NTN5: variants seen among roughly 807,000 people sequenced by gnomAD.
NTN5 encodes the protein netrin-5.
A neutral mutation model predicts 38.7 loss-of-function variants in NTN5; 42 were observed. That is an observed-to-expected ratio of 1.08 (90% confidence interval 0.85 to 1.40). The LOEUF (loss-of-function observed/expected upper bound fraction) is 1.40, where lower values mean the gene tolerates loss of function less well. NTN5 is among the 40% of genes most tolerant of loss of function. The pLI is 0.00. For synonymous variants in NTN5, 329 were observed against 303.9 expected, an observed-to-expected ratio of 1.08 and a Z score of -0.86; for missense variants, 658 against 716.5, an observed-to-expected ratio of 0.92 and a Z score of 0.93.
chr19:48,664,739 G>A lies in NTN5; in HGVS notation c.660C>T (p.Arg220=). 1.3e-6 allele frequency: 2 copies of A among 1,578,842 alleles called. No homozygotes were observed. The highest frequency in any genetic ancestry group is 1.7e-6 in the Non-Finnish European group (2 of 1,163,252). ...LPCSCNQHAR[R]CRFNSELFRL... ...TGAACAGCTCAGAGTTGAACCGGCA[G>A]CGTCGGGCGTGCTGGTTGCAGGAGC... is the stretch of plus-strand genomic sequence containing the variant. The change falls in exon 3 of 7, where the codon CGC becomes CGT. Residue 220 remains arginine, a synonymous_variant. Transcript: ENST00000270235.
chr19:48,667,213 C>G (rs2031728210), intron 2 of NTN5: 2 of 166,362 alleles, frequency 1.2e-5, no homozygotes, highest in South Asian at 2.1e-4. Flanking sequence ...CCTCACTTCC[C>G]CTGTGGAGAA....
chr19:48,665,882 G>A (rs1026823941), intron 2 of NTN5, among the ~76,000 whole-genome samples: 7 of 151,880 alleles, frequency 4.6e-5, no homozygotes, highest in South Asian at 4.1e-4. Flanking sequence ...TAGCCTTGTC[G>A]GTCTCTCTGA....
chr19:48,671,678 G>A (rs2031965741), intron 1 of NTN5, among the ~76,000 whole-genome samples: 2 of 152,126 alleles, frequency 1.3e-5, no homozygotes, highest in South Asian at 4.1e-4. Flanking sequence ...TGTCTGGCGG[G>A]GGATCAGAAG....
chr19:48,663,796 G>A lies in NTN5; in HGVS notation c.989C>T (p.Thr330Ile), dbSNP rs1253202217. The A allele has an allele frequency of 6.2e-7, 1 of 1,613,968 alleles. No homozygotes were observed. The highest frequency in any genetic ancestry group is 8.5e-7 in the Non-Finnish European group (1 of 1,179,942). Reference sequence around the variant, plus strand: ...AGCACCAGGAGTAGTGGCAAGGGTGGTTGTTGCCTCTGGAATTCCTGTGAG... The same window carrying A: ...AGCACCAGGAGTAGTGGCAAGGGTGATTGTTGCCTCTGGAATTCCTGTGAG... ...MPCQRIPEAT[T>I]TLATTPGAYS... is the part of the protein sequence containing the mutation. The change falls in exon 5 of 7, where the codon ACC becomes ATC. Residue 330 changes from threonine to isoleucine, a missense_variant. Transcript: ENST00000270235.
Position 48,661,514 on chromosome 19 carries a change from G to T in NTN5, c.*163C>A. On this transcript the variant is annotated 3_prime_UTR_variant, in exon 7 of 7. Transcript: ENST00000270235. The stretch of plus-strand genomic sequence containing the variant: ...CCAGAAGTCCCGCTTGCCGCCTTTT[G>T]CTAAAAGTTCCGCACGCCTGCTCGG... 2.3e-6 allele frequency: 2 copies of T among 857,228 alleles called. No individual in the cohort carries two copies. The highest frequency in any genetic ancestry group is 3.2e-6 in the Non-Finnish European group (2 of 631,576). 53.1% of individuals were successfully genotyped at this position (857,228 alleles called of 1,614,324 possible). A position where few individuals can be genotyped will look rare whatever the true frequency, so the allele number is the denominator to read the frequency against.
At chr19:48,666,663 G>T (rs2031710812) in intron 2 of NTN5, among the ~76,000 whole-genome samples, 1 of 150,464 alleles carries the variant, frequency 6.6e-6, no homozygotes, top group African/African-American at 2.4e-5. Flanking sequence ...GATACAGGGG[G>T]TTCACAGACC....
At chr19:48,669,817 C>G (rs1180897362) in intron 2 of NTN5, among the ~76,000 whole-genome samples, 1 of 116,332 alleles carries the variant, frequency 8.6e-6, no homozygotes, top group Non-Finnish European at 1.9e-5. Context: ...TCATCACCAT[C>G]ACCACCACCA....
rs1323691701 is a variant in NTN5 at position 48,669,059 on chromosome 19, CACCACCACCACCACT to C, written c.631+1282_631+1296del. Among the ~76,000 whole-genome samples, 739 of 145,806 alleles carry C rather than the reference CACCACCACCACCACT, an allele frequency of 5.1e-3. 9 individuals are homozygous for C. Among genetic ancestry groups the C allele is most frequent in the African/African-American group, 0.018 (682 of 37,802 alleles). ...CTATCATCACCACCACCATCACCATCACCACCACCACCACTATCACCATCATCACCACCACCATCA... is the reference window on the plus strand; with the variant it reads ...CTATCATCACCACCACCATCACCATCATCACCATCATCACCACCACCATCA... On this transcript the variant is annotated intron_variant, in intron 2 of 6. Coordinates refer to ENST00000270235, the MANE Select transcript of NTN5 (RefSeq NM_145807.4).
rs764211669 is a variant in NTN5 at position 48,670,652 on chromosome 19, G to A, written c.335C>T (p.Pro112Leu). ...CCTTTCAGGGCCCCCTAAGGCCCCAGGCCAGGCGGGCCTGTGCCACAGCAG... is the reference window on the plus strand; with the variant it reads ...CCTTTCAGGGCCCCCTAAGGCCCCAAGCCAGGCGGGCCTGTGCCACAGCAG... ...WRLLWHRPAW[P>L]GALGGPERVT... is the part of the protein sequence containing the mutation. Residue 112 changes from proline (P) to leucine (L), a missense_variant, in exon 2 of 7, where the codon CCT (proline) becomes CTT (leucine). Pro to Leu is a moderately conservative substitution (Grantham distance 98). Transcript: ENST00000270235. The A allele has an allele frequency of 6.2e-7, 1 of 1,605,276 alleles. No individual in the cohort carries two copies. The highest frequency in any genetic ancestry group is 1.1e-5 in the South Asian group (1 of 90,082).
chr19:48,664,344 C>T, intron 3 of NTN5, 52 bp from the exon 4 acceptor site: 1 of 1,579,838 alleles, frequency 6.3e-7, no homozygotes, highest in Non-Finnish European at 8.6e-7. Flanking sequence ...CCAGATGCCC[C>T]TCCCAATTCC....
Position 48,672,999 on chromosome 19 carries a change from T to G in NTN5, c.-88A>C, listed in dbSNP as rs554823971. 1.1e-3 allele frequency: 338 copies of G among 318,510 alleles called. 1 individual carries two copies. Among genetic ancestry groups the G allele is most frequent in the Middle Eastern group, 7.0e-3 (6 of 858 alleles). 19.7% of individuals were successfully genotyped at this position (318,510 alleles called of 1,614,324 possible). On this transcript the variant is annotated 5_prime_UTR_variant, in exon 1 of 7. Coordinates refer to ENST00000270235, the MANE Select transcript of NTN5 (RefSeq NM_145807.4). ...GCTCTTCCTCCAAGCTGTGGCGCGG[T>G]GGGCTCTCAGGAGGGAGTGGCGTGG...
rs1407238324 is a variant in NTN5 at position 48,661,987 on chromosome 19, A to AGCCGCTGCCATGCCGGGCCC, written c.1140_1159dup (p.Leu387ArgfsTer37). ...GTAAACGGCCAGCACGCGCACGGCC[A>AGCCGCTGCCATGCCGGGCCC]GCCGCTGCCATGCCGGGCCCGCCGC... On this transcript the variant is annotated frameshift_variant, in exon 7 of 7. Coordinates refer to ENST00000270235, the MANE Select transcript of NTN5 (RefSeq NM_145807.4). LOFTEE classifies it low-confidence loss of function (END_TRUNC). 4.0e-6 allele frequency: 6 copies of AGCCGCTGCCATGCCGGGCCC among 1,484,950 alleles called. No individual in the cohort carries two copies. Among genetic ancestry groups the AGCCGCTGCCATGCCGGGCCC allele is most frequent in the Non-Finnish European group, 5.3e-6 (6 of 1,124,944 alleles). The allele number at this position is 1,484,950 out of a possible 1,614,324, so 92.0% of individuals were successfully genotyped here.
Position 48,661,895 on chromosome 19 carries a change from A to C in NTN5, c.1252T>G (p.Cys418Gly). The part of the protein sequence containing the change: ...DAWVPRADLT[C>G]GCLRLQPGTD... ...CCTGGCTGCAGGCGCAGGCAGCCGC[A>C]GGTCAGGTCGGCGCGGGGCACCCAG... Residue 418 changes from cysteine to glycine, a missense_variant, in exon 7 of 7, where the codon TGC becomes GGC. Cys to Gly is a radical substitution (Grantham distance 159). Transcript: ENST00000270235. The C allele has an allele frequency of 7.4e-7, 1 of 1,352,002 alleles. No homozygotes were observed. The highest frequency in any genetic ancestry group is 9.5e-7 in the Non-Finnish European group (1 of 1,054,344). The allele number at this position is 1,352,002 out of a possible 1,614,324, so 83.8% of individuals were successfully genotyped here. A position where few individuals can be genotyped will look rare whatever the true frequency, so the allele number is the denominator to read the frequency against.
Position 48,661,905 on chromosome 19 carries a change from G to A in NTN5, c.1242C>T (p.Ala414=). Residue 414 remains alanine, a synonymous_variant, in exon 7 of 7, where the codon GCC becomes GCT. Transcript: ENST00000270235. ...RGDQDAWVPR[A]DLTCGCLRLQ... ...GGCGCAGGCAGCCGCAGGTCAGGTCGGCGCGGGGCACCCAGGCGTCCTGGT... is the reference window on the plus strand; with the variant it reads ...GGCGCAGGCAGCCGCAGGTCAGGTCAGCGCGGGGCACCCAGGCGTCCTGGT... 1 of 1,356,252 alleles carries A rather than the reference G, an allele frequency of 7.4e-7. No individual in the cohort carries two copies. Among genetic ancestry groups the A allele is most frequent in the East Asian group, 3.6e-5 (1 of 28,116 alleles). 84.0% of individuals were successfully genotyped at this position (1,356,252 alleles called of 1,614,324 possible).
rs1364565141 is a variant in NTN5, at chr19:48,662,019, CGCTA to C, written c.1124_1127del (p.Leu375ArgfsTer41). 1.3e-6 allele frequency: 2 copies of C among 1,484,594 alleles called. No homozygotes were observed. Among genetic ancestry groups the C allele is most frequent in the African/African-American group, 2.9e-5 (2 of 67,832 alleles). 92.0% of individuals were successfully genotyped at this position (1,484,594 alleles called of 1,614,324 possible). ...GCCATGCCGGGCCCGCCGCCTCGGA[CGCTA>C]GCACCTGCGCGCGGAGAACTGTGGG... On this transcript the variant is annotated frameshift_variant, in exon 7 of 7. Coordinates refer to ENST00000270235, the MANE Select transcript of NTN5 (RefSeq NM_145807.4). LOFTEE classifies it low-confidence loss of function (END_TRUNC).
At chr19:48,669,746 CACCATCACCATCGTCACCACT>C (rs2031871503) in intron 2 of NTN5, among the ~76,000 whole-genome samples, 1 of 128,142 alleles carries the variant, frequency 7.8e-6, no homozygotes, top group Non-Finnish European at 1.6e-5. Context: ...CCATCACCAC[CACCATCACCATCGTCACCACT>C]ACCATCACCA....
At chr19:48,665,767 CG>C (rs1263862395) in intron 2 of NTN5, among the ~76,000 whole-genome samples, 5 of 151,276 alleles carry the variant, frequency 3.3e-5, no homozygotes, top group African/African-American at 1.2e-4. Flanking sequence ...TGCAGTGAGC[CG>C]AGATCACGCC....
intron 1 of NTN5, 128 bp from the exon 2 acceptor site, chr19:48,671,134 C>T (rs1157493019): frequency 6.7e-6 from 4 of 600,988 alleles, no homozygotes; most frequent in African/African-American, 1.9e-5. Flanking sequence ...TGCATGGAAG[C>T]GAGGAAAATA....
chr19:48,669,831 T>C (rs1310006797), intron 2 of NTN5, among the ~76,000 whole-genome samples: 234 of 46,222 alleles, frequency 5.1e-3, no homozygotes, highest in Middle Eastern at 0.019. Context: ...ACCACCACCA[T>C]CACCATCACC....
Sources: allele counts gnomAD v4.1 joint callset (sites outside exome capture counted in the v4.1 genomes callset), GRCh38; gene constraint gnomAD v4.1.1; transcripts MANE v1.5; gene names NCBI Gene and HGNC (gene_info 2026-07-23, HGNC 2026-07-21).